PLEKHG5: variants seen among roughly 807,000 people sequenced by gnomAD.
The protein encoded by PLEKHG5 is pleckstrin homology and RhoGEF domain containing G5.
PLEKHG5 carries 52 observed loss-of-function variants against 103.8 expected under a neutral mutation model. The observed-to-expected ratio is 0.50, with a 90% CI of 0.40 to 0.63. The LOEUF (loss-of-function observed/expected upper bound fraction) is 0.63, where lower values mean the gene tolerates loss of function less well. Among genes scored for constraint, PLEKHG5 ranks in the 30% least tolerant of loss-of-function variants. PLEKHG5 has a pLI of 0.00. For synonymous variants in PLEKHG5, 592 were observed against 575.5 expected (o/e 1.03, Z -0.41); for missense variants, 1,205 against 1,347.6 (o/e 0.89, Z 1.66).
intron 1 of PLEKHG5, among the ~76,000 whole-genome samples, chr1:6,511,866 C>T (rs990302400): frequency 6.6e-5 from 10 of 152,198 alleles, no homozygotes; most frequent in African/African-American, 2.2e-4. Flanking sequence ...TGGCAGGAAG[C>T]CCAGGGCCGG....
chr1:6,471,944 G>T, intron 10 of PLEKHG5, 136 bp from the exon 11 acceptor site: 1 of 888,162 alleles, frequency 1.1e-6, no homozygotes, highest in South Asian at 1.5e-5. Context: ...GGATAAGAAG[G>T]CTGTACCCTT....
At chr1:6,515,811 C>T (rs1357774818) in intron 1 of PLEKHG5, among the ~76,000 whole-genome samples, 1 of 152,228 alleles carries the variant, frequency 6.6e-6, no homozygotes. Flanking sequence ...TCCCCTACCG[C>T]TGCCCCTGCT....
At chr1:6,502,541 G>A (rs1488133208) in intron 1 of PLEKHG5, among the ~76,000 whole-genome samples, 1 of 152,252 alleles carries the variant, frequency 6.6e-6, no homozygotes, top group East Asian at 1.9e-4. Context: ...ACACAGGCCT[G>A]GGGCCAGCCG....
At chr1:6,519,499 G>C (rs1638716475) in exon 1 of PLEKHG5, 2 of 1,613,802 alleles carry the variant, frequency 1.2e-6, no homozygotes, top group East Asian at 4.5e-5. Flanking sequence ...TGTTTTGTCA[G>C]GACTGAATTC....
chr1:6,503,282 T>C (rs1194986869), intron 1 of PLEKHG5, among the ~76,000 whole-genome samples: 1 of 152,008 alleles, frequency 6.6e-6, no homozygotes, highest in African/African-American at 2.4e-5. Context: ...CAGGGCCTGG[T>C]GGTGTGCACC....
chr1:6,502,822 G>A (rs1645310516), intron 1 of PLEKHG5, among the ~76,000 whole-genome samples: 1 of 152,202 alleles, frequency 6.6e-6, no homozygotes, highest in Admixed American at 6.5e-5. Context: ...ACAGCCGTGT[G>A]CCCAGGCTCA....
rs768925221 is a variant in PLEKHG5, at chr1:6,470,894, G to T, written c.1393-10C>A. The T allele has an allele frequency of 1.8e-5, 26 of 1,412,484 alleles. 1 individual carries two copies. In the South Asian group the frequency reaches 1.9e-4, roughly 10 times the overall value. The allele number at this position is 1,412,484 out of a possible 1,614,324, so 87.5% of individuals were successfully genotyped here. A position where few individuals can be genotyped will look rare whatever the true frequency, so the allele number is the denominator to read the frequency against. On this transcript the variant is annotated splice_polypyrimidine_tract_variant and intron_variant, in intron 13 of 20. Transcript: ENST00000377728. Reference sequence around the variant, plus strand: ...GGTGCTTCTCCGCCCACTGCGGTGGGGGAGTGGGGGCGGGCTCAGGGCAGG... The same window carrying T: ...GGTGCTTCTCCGCCCACTGCGGTGGTGGAGTGGGGGCGGGCTCAGGGCAGG...
intron 1 of PLEKHG5, among the ~76,000 whole-genome samples, chr1:6,484,493 C>T (rs190014545): frequency 7.9e-5 from 12 of 152,292 alleles, no homozygotes; most frequent in African/African-American, 2.6e-4. Context: ...GGAAGCCCCC[C>T]GGGAGAACCA....
At chr1:6,475,850 G>A in intron 3 of PLEKHG5, 81 bp downstream of exon 3, 2 of 1,154,062 alleles carry the variant, frequency 1.7e-6, no homozygotes, top group South Asian at 1.2e-5. Context: ...AGGCGCCAGA[G>A]CATCTGGTCC....
At chr1:6,494,917 G>C (rs552227457), upstream of PLEKHG5, among the ~76,000 whole-genome samples, 1 of 152,338 alleles carries the variant, frequency 6.6e-6, no homozygotes, top group South Asian at 2.1e-4. Flanking sequence ...GCAGGCCAGG[G>C]CTGGAGGTGA....
At position 6,475,452 on chromosome 1, in the gene PLEKHG5, G is replaced by A. The variant is rs1644739171; in HGVS notation, c.210+10C>T. Reference sequence around the variant, plus strand: ...GAACCCGCATCTGCCGGCTCTGGGGGGCTCCTCACATCCGTGTGTCTCCTC... The same window carrying A: ...GAACCCGCATCTGCCGGCTCTGGGGAGCTCCTCACATCCGTGTGTCTCCTC... On this transcript the variant is annotated intron_variant, in intron 4 of 20. Coordinates refer to ENST00000377728, the MANE Select transcript of PLEKHG5 (RefSeq NM_020631.6). The A allele has an allele frequency of 1.2e-6, 2 of 1,612,304 alleles. No individual in the cohort carries two copies. The highest frequency in any genetic ancestry group is 4.5e-5 in the East Asian group (2 of 44,820).
Position 6,467,944 on chromosome 1 carries a change from G to C in PLEKHG5, c.2892C>G (p.Ala964=), listed in dbSNP as rs1388065890. 14 of 1,574,854 alleles carry C rather than the reference G, an allele frequency of 8.9e-6. No homozygotes were observed. Among genetic ancestry groups the C allele is most frequent in the Non-Finnish European group, 1.2e-5 (14 of 1,161,748 alleles). The change falls in exon 20 of 21, where the codon GCC becomes GCG. Residue 964 remains alanine, a synonymous_variant. Transcript: ENST00000377728. ...GGGGCTCAGGCTGGACCCTGGGAGA[G>C]GCCCCCGAGGGCAGGTCTCCACACC... ...RKRCGDLPSG[A]SPRVQPEPPP...
At chr1:6,501,174 A>AATCG (rs1645292718), upstream of PLEKHG5, among the ~76,000 whole-genome samples, 1 of 152,154 alleles carries the variant, frequency 6.6e-6, no homozygotes, top group Admixed American at 6.6e-5. This position sits in a 1 kb window ranked among gnomAD's most constrained non-coding sequence, Gnocchi z 4.3. Flanking sequence ...GCCTCGGATC[A>AATCG]GCACAAATGC....
chr1:6,492,608 C>T (rs1275887360), upstream of PLEKHG5, among the ~76,000 whole-genome samples: 1 of 152,148 alleles, frequency 6.6e-6, no homozygotes, highest in African/African-American at 2.4e-5. Flanking sequence ...GGACACCTTG[C>T]ACACCTACGC....
rs1644438671 is a variant in PLEKHG5, at chr1:6,467,956, C to T, written c.2880G>A (p.Leu960=). ...GGACCCTGGGAGAGGCCCCCGAGGGCAGGTCTCCACACCTCTTCCTGTGGG... is the reference window on the plus strand; with the variant it reads ...GGACCCTGGGAGAGGCCCCCGAGGGTAGGTCTCCACACCTCTTCCTGTGGG... ...AGSHRKRCGD[L]PSGASPRVQP... Residue 960 remains leucine (L), a synonymous_variant, in exon 20 of 21, where the codon CTG becomes CTA. Coordinates refer to ENST00000377728, the MANE Select transcript of PLEKHG5 (RefSeq NM_020631.6). The T allele has an allele frequency of 6.4e-7, 1 of 1,568,158 alleles. No homozygotes were observed. The highest frequency in any genetic ancestry group is 1.4e-5 in the African/African-American group (1 of 73,706).
Position 6,490,381 on chromosome 1 carries a change from G to T in PLEKHG5, c.-88+1256C>A, listed in dbSNP as rs913860447. ...ATCCGGGTTCTGTCCATCGGTTTAG[G>T]GGGGTCCTGGCGCCTAGTCCCACCC... is the stretch of plus-strand genomic sequence containing the variant. On this transcript the variant is annotated intron_variant, in intron 1 of 20. Coordinates refer to ENST00000377728, the MANE Select transcript of PLEKHG5 (RefSeq NM_020631.6). This position sits in a 1 kb window ranked among gnomAD's most constrained non-coding sequence, Gnocchi z 8.0. 7.8e-6 allele frequency: 7 copies of T among 899,658 alleles called. No homozygotes were observed. The highest frequency in any genetic ancestry group is 9.3e-6 in the Non-Finnish European group (7 of 752,464). The allele number at this position is 899,658 out of a possible 1,614,324, so 55.7% of individuals were successfully genotyped here.
Position 6,475,034 on chromosome 1 carries a change from C to T in PLEKHG5, c.302+13G>A, listed in dbSNP as rs771852245. 8 of 1,524,480 alleles carry T rather than the reference C, an allele frequency of 5.2e-6. No homozygotes were observed. In the African/African-American group the frequency reaches 6.8e-5, roughly 13 times the overall value. The allele number at this position is 1,524,480 out of a possible 1,614,324, so 94.4% of individuals were successfully genotyped here. A position where few individuals can be genotyped will look rare whatever the true frequency, so the allele number is the denominator to read the frequency against. On this transcript the variant is annotated intron_variant, in intron 5 of 20. Coordinates refer to ENST00000377728, the MANE Select transcript of PLEKHG5 (RefSeq NM_020631.6). The stretch of plus-strand genomic sequence containing the variant: ...CCAGTCCCACTTCCACCCTGAGCCC[C>T]ATCAAGCCCTACCCCAGTGACTTCT...
At chr1:6,497,608 G>C (rs1645248357), upstream of PLEKHG5, among the ~76,000 whole-genome samples, 2 of 152,074 alleles carry the variant, frequency 1.3e-5, no homozygotes, top group Non-Finnish European at 1.5e-5. This position sits in a 1 kb window ranked among gnomAD's most constrained non-coding sequence, Gnocchi z 6.1. Context: ...GGCGGGCACC[G>C]GGGCGGCTCA....
At chr1:6,492,979 G>C (rs80333112), upstream of PLEKHG5, among the ~76,000 whole-genome samples, 1,957 of 149,426 alleles carry the variant, frequency 0.013, 24 homozygotes, top group African/African-American at 0.031. Flanking sequence ...TGCTCACTCA[G>C]CTGTCCTCCA....
Sources: gnomAD v4.1 joint callset for allele counts (sites outside exome capture counted in the v4.1 genomes callset) on GRCh38, gnomAD v4.1.1 for gene constraint, Gnocchi (gnomAD v3.1) non-coding constraint, MANE v1.5 for transcripts, NCBI Gene and HGNC (gene_info 2026-07-23, HGNC 2026-07-21) for gene names.